Variants in SGMS1 observed in about 807,000 individuals in gnomAD.
The protein encoded by SGMS1 is phosphatidylcholine:ceramide cholinephosphotransferase 1.
SGMS1 carries 13 observed loss-of-function variants against 46.2 expected under a neutral mutation model. The ratio of observed to expected loss-of-function variants is 0.28; its 90% CI spans 0.18 to 0.45. The LOEUF (loss-of-function observed/expected upper bound fraction) is 0.45. Among genes scored for constraint, SGMS1 ranks in the 20% least tolerant of loss-of-function variants. SGMS1 has a pLI of 1.00. For missense variants in SGMS1, 324 were observed against 519.9 expected, an observed-to-expected ratio of 0.62 and a Z score of 3.66; for synonymous variants, 203 against 187.8, an observed-to-expected ratio of 1.08 and a Z score of -0.66.
intron 6 of SGMS1, among the ~76,000 whole-genome samples, chr10:50,350,100 G>C (rs917624621): frequency 5.9e-5 from 9 of 152,190 alleles, no homozygotes; most frequent in African/African-American, 2.2e-4. Flanking sequence ...TAAGGTCCAG[G>C]CTGAGGTGGA....
chr10:50,434,918 A>G (rs1440726864), intron 5 of SGMS1, among the ~76,000 whole-genome samples: 2 of 151,732 alleles, frequency 1.3e-5, no homozygotes, highest in Non-Finnish European at 2.9e-5. Context: ...GAGATGGAAC[A>G]AACACCAAAT....
chr10:50,562,819 C>T (rs1238034364), intron 2 of SGMS1, among the ~76,000 whole-genome samples: 1 of 152,148 alleles, frequency 6.6e-6, no homozygotes, highest in Non-Finnish European at 1.5e-5. Context: ...GCTGGGTTTA[C>T]AAGCGTGAGC....
chr10:50,587,633 A>ATATATGTGTGTG (rs760688384), intron 2 of SGMS1, among the ~76,000 whole-genome samples: 1 of 138,172 alleles, frequency 7.2e-6, no homozygotes, highest in East Asian at 2.2e-4. Context: ...CAAAATATAT[A>ATATATGTGTGTG]TGTGTGTGTG....
At chr10:50,427,952 G>A (rs889355289) in intron 6 of SGMS1, among the ~76,000 whole-genome samples, 2 of 151,870 alleles carry the variant, frequency 1.3e-5, no homozygotes, top group South Asian at 2.1e-4. Context: ...AGATAAAAAG[G>A]AGGCTAAGCT....
intron 5 of SGMS1, among the ~76,000 whole-genome samples, chr10:50,456,392 G>T (rs928960653): frequency 1.3e-5 from 2 of 152,078 alleles, no homozygotes; most frequent in African/African-American, 4.8e-5. Flanking sequence ...AACCATGTCT[G>T]AAAAGTAATG....
At chr10:50,450,812 T>G (rs2133660421) in intron 5 of SGMS1, among the ~76,000 whole-genome samples, 1 of 152,138 alleles carries the variant, frequency 6.6e-6, no homozygotes, top group African/African-American at 2.4e-5. Context: ...ATTATTAGTT[T>G]GATAAACTTT....
At chr10:50,361,674 C>T (rs1304062933) in intron 6 of SGMS1, among the ~76,000 whole-genome samples, 1 of 152,148 alleles carries the variant, frequency 6.6e-6, no homozygotes, top group Non-Finnish European at 1.5e-5. Context: ...CAAACTGTTC[C>T]CTTTTCCCTA....
chr10:50,592,073 C>T (rs926619362), intron 1 of SGMS1, among the ~76,000 whole-genome samples: 36 of 152,334 alleles, frequency 2.4e-4, no homozygotes, highest in Non-Finnish European at 1.3e-4. Context: ...GCAACACCTG[C>T]TCACAAGGAT....
intron 2 of SGMS1, among the ~76,000 whole-genome samples, chr10:50,578,282 T>C (rs1277413316): frequency 1.3e-5 from 2 of 152,194 alleles, no homozygotes; most frequent in Non-Finnish European, 2.9e-5. Flanking sequence ...CCAGTCTCTT[T>C]AGCCTGCGGG....
chr10:50,493,918 G>A (rs765184556), intron 3 of SGMS1, among the ~76,000 whole-genome samples: 17 of 152,106 alleles, frequency 1.1e-4, no homozygotes, highest in Non-Finnish European at 2.1e-4. Flanking sequence ...CTGCCTCAGC[G>A]TCCCGTGTAA....
chr10:50,572,250 G>C (rs1284219196), intron 2 of SGMS1, among the ~76,000 whole-genome samples: 1 of 152,174 alleles, frequency 6.6e-6, no homozygotes, highest in East Asian at 1.9e-4. Context: ...GAGTACTGTA[G>C]AATACAAGGT....
chr10:50,491,236 C>T (rs1312495060), intron 3 of SGMS1, among the ~76,000 whole-genome samples: 1 of 152,048 alleles, frequency 6.6e-6, no homozygotes, highest in Admixed American at 6.5e-5. Flanking sequence ...GGCCTATAGT[C>T]CTAGCTAATT....
chr10:50,355,331 G>T (rs1274412842), intron 6 of SGMS1, among the ~76,000 whole-genome samples: 1 of 152,202 alleles, frequency 6.6e-6, no homozygotes, highest in Non-Finnish European at 1.5e-5. Context: ...CCAAGCCGAG[G>T]CTGGACTGTA....
intron 3 of SGMS1, 110 bp from the exon 4 acceptor site, chr10:50,467,042 A>C (rs868309371): frequency 1.3e-5 from 2 of 152,042 alleles, no homozygotes; most frequent in South Asian, 4.1e-4. Context: ...TTACGTATAC[A>C]TAGGAAAAAA....
At chr10:50,400,671 A>G (rs1452589716) in intron 6 of SGMS1, among the ~76,000 whole-genome samples, 1 of 152,026 alleles carries the variant, frequency 6.6e-6, no homozygotes, top group East Asian at 1.9e-4. Context: ...CAGGTTGCTC[A>G]CTATCTTATT....
At chr10:50,339,368 C>T (rs886744245) in intron 7 of SGMS1, among the ~76,000 whole-genome samples, 2 of 152,222 alleles carry the variant, frequency 1.3e-5, no homozygotes, top group African/African-American at 2.4e-5. Flanking sequence ...CAAACACATG[C>T]ATGGTATTCA....
chr10:50,487,346 AG>A (rs1837530263), intron 3 of SGMS1, among the ~76,000 whole-genome samples: 1 of 152,144 alleles, frequency 6.6e-6, no homozygotes. Flanking sequence ...AAGGGGGTGG[AG>A]GGAGAGAGAG....
chr10:50,435,240 T>C (rs1257137979), intron 5 of SGMS1, among the ~76,000 whole-genome samples: 1 of 152,206 alleles, frequency 6.6e-6, no homozygotes, highest in East Asian at 1.9e-4. Context: ...GTCTGTAAAA[T>C]ACATACAATA....
chr10:50,396,662 T>C (rs1227926887), intron 6 of SGMS1, among the ~76,000 whole-genome samples: 1 of 152,156 alleles, frequency 6.6e-6, no homozygotes, highest in African/African-American at 2.4e-5. Flanking sequence ...CAGGATTAAA[T>C]GAGATAATGA....
Sources: gnomAD v4.1 joint callset for allele counts (sites outside exome capture counted in the v4.1 genomes callset) on GRCh38, gnomAD v4.1.1 for gene constraint, MANE v1.5 for transcripts, NCBI Gene and HGNC (gene_info 2026-07-23, HGNC 2026-07-21) for gene names.